CSMD3: variants seen among roughly 807,000 people sequenced by gnomAD.
CSMD3 encodes the protein CUB and sushi domain-containing protein 3.
A neutral mutation model predicts 435.2 loss-of-function variants in CSMD3; 177 were observed. The observed-to-expected ratio is 0.41, with a 90% CI of 0.36 to 0.46. The LOEUF (loss-of-function observed/expected upper bound fraction) is 0.46, where lower values mean the gene tolerates loss of function less well. Among genes scored for constraint, CSMD3 ranks in the 20% least tolerant of loss-of-function variants. The pLI is 0.34. For missense variants in CSMD3, 4,265 were observed against 4,504.6 expected (o/e 0.95, Z 1.52); for synonymous variants, 1,656 against 1,520.5 (o/e 1.09, Z -2.07).
chr8:112,783,735 C>T (rs1229150565), intron 13 of CSMD3, among the ~76,000 whole-genome samples: 1 of 150,778 alleles, frequency 6.6e-6, no homozygotes, highest in Admixed American at 6.6e-5. Flanking sequence ...ACTGAAAATA[C>T]ATGGATGGAA....
At chr8:112,733,968 T>A (rs1015879226) in intron 13 of CSMD3, among the ~76,000 whole-genome samples, 4 of 151,690 alleles carry the variant, frequency 2.6e-5, no homozygotes, top group Non-Finnish European at 5.9e-5. Context: ...GGACATTTAA[T>A]CATTATTATC....
intron 12 of CSMD3, among the ~76,000 whole-genome samples, chr8:112,814,681 C>T (rs534683249): frequency 6.6e-6 from 1 of 151,900 alleles, no homozygotes; most frequent in East Asian, 1.9e-4. Context: ...TACTGGGGGG[C>T]TGAGGCAGGA....
intron 5 of CSMD3, among the ~76,000 whole-genome samples, chr8:113,060,560 C>T (rs947854007): frequency 6.6e-6 from 1 of 152,080 alleles, no homozygotes; most frequent in Non-Finnish European, 1.5e-5. Context: ...ACTATAGACA[C>T]AAATATAGTA....
intron 12 of CSMD3, among the ~76,000 whole-genome samples, chr8:112,828,128 A>G (rs913165112): frequency 1.3e-5 from 2 of 152,228 alleles, no homozygotes; most frequent in Non-Finnish European, 2.9e-5. Flanking sequence ...ATAAAACTAC[A>G]ATAAGATTTA....
At chr8:112,261,424 C>T (rs919885776) in intron 61 of CSMD3, among the ~76,000 whole-genome samples, 1 of 152,002 alleles carries the variant, frequency 6.6e-6, no homozygotes, top group African/African-American at 2.4e-5. Flanking sequence ...CAGAAAGCAT[C>T]CCTTTTCTTA....
intron 3 of CSMD3, among the ~76,000 whole-genome samples, chr8:113,226,509 A>G (rs564617716): frequency 6.6e-6 from 1 of 151,712 alleles, no homozygotes; most frequent in African/African-American, 2.4e-5. Context: ...AGTCATTTCT[A>G]TCATGCATAT....
At chr8:112,540,115 G>A (rs1039480782) in intron 27 of CSMD3, among the ~76,000 whole-genome samples, 2 of 152,002 alleles carry the variant, frequency 1.3e-5, no homozygotes, top group Middle Eastern at 3.4e-3. Flanking sequence ...AATTAATAAT[G>A]AGCAAATGCT....
chr8:112,661,474 C>T (rs917519684), intron 17 of CSMD3, among the ~76,000 whole-genome samples: 4 of 152,076 alleles, frequency 2.6e-5, no homozygotes, highest in Non-Finnish European at 5.9e-5. Flanking sequence ...TGTCAGAGTA[C>T]GGATGCCCTC....
At chr8:112,559,586 G>T (rs1828431810) in intron 24 of CSMD3, among the ~76,000 whole-genome samples, 1 of 151,660 alleles carries the variant, frequency 6.6e-6, no homozygotes, top group Non-Finnish European at 1.5e-5. Flanking sequence ...GAATCTATCT[G>T]CATCCTGAAT....
At chr8:112,579,484 CACAGA>C (rs1830184061) in intron 23 of CSMD3, among the ~76,000 whole-genome samples, 2 of 151,844 alleles carry the variant, frequency 1.3e-5, no homozygotes, top group South Asian at 4.2e-4. Context: ...ACCTCAAAAG[CACAGA>C]TAATAGTAAA....
chr8:113,235,028 G>C (rs1484937187), intron 3 of CSMD3, among the ~76,000 whole-genome samples: 1 of 152,100 alleles, frequency 6.6e-6, no homozygotes, highest in Non-Finnish European at 1.5e-5. Context: ...CAGACGTGTT[G>C]ACAGATGTTT....
intron 40 of CSMD3, among the ~76,000 whole-genome samples, chr8:112,348,452 T>A (rs1266222045): frequency 6.6e-6 from 1 of 152,342 alleles, no homozygotes; most frequent in East Asian, 1.9e-4. Flanking sequence ...TGATGACTAG[T>A]GTTTTAAGAC....
intron 1 of CSMD3, among the ~76,000 whole-genome samples, chr8:113,412,849 T>A (rs2094565477): frequency 6.6e-6 from 1 of 152,068 alleles, no homozygotes; most frequent in African/African-American, 2.4e-5. Context: ...TTAAATATCT[T>A]ATAAAGCCAG....
At chr8:113,422,740 AAG>A (rs1401935976) in intron 1 of CSMD3, among the ~76,000 whole-genome samples, 1 of 152,124 alleles carries the variant, frequency 6.6e-6, no homozygotes, top group Non-Finnish European at 1.5e-5. Context: ...CACAGAGTGT[AAG>A]AGAGAGACGA....
At chr8:112,298,838 A>G (rs1820613279) in intron 53 of CSMD3, among the ~76,000 whole-genome samples, 3 of 152,154 alleles carry the variant, frequency 2.0e-5, no homozygotes, top group Admixed American at 1.3e-4. Flanking sequence ...GGAGACAACT[A>G]GAACTCTCCC....
At chr8:112,516,025 T>G (rs1462348357) in intron 28 of CSMD3, among the ~76,000 whole-genome samples, 1 of 152,110 alleles carries the variant, frequency 6.6e-6, no homozygotes, top group Admixed American at 6.6e-5. Context: ...AAAATAAATC[T>G]GAATAATTGA....
intron 5 of CSMD3, among the ~76,000 whole-genome samples, chr8:113,030,417 T>TAAAAAAAAGAAAAA (rs2087046972): frequency 4.1e-5 from 1 of 24,356 alleles, no homozygotes; most frequent in Admixed American, 5.5e-4. Flanking sequence ...TTGGTACTGG[T>TAAAAAAAAGAAAAA]AAAAAAAAAA....
intron 59 of CSMD3, among the ~76,000 whole-genome samples, chr8:112,274,060 G>C (rs965041873): frequency 1.3e-5 from 2 of 151,994 alleles, no homozygotes; most frequent in South Asian, 4.1e-4. Flanking sequence ...AGGTGGATAA[G>C]AGTTTTAAAG....
At chr8:113,312,678 A>T (rs1289491084) in intron 2 of CSMD3, 1 of 152,190 alleles carries the variant, frequency 6.6e-6, no homozygotes, top group Non-Finnish European at 1.5e-5. Flanking sequence ...GTATTTTTAT[A>T]TATTTAGGAA....
Sources: gnomAD v4.1 joint callset for allele counts (sites outside exome capture counted in the v4.1 genomes callset) on GRCh38, gnomAD v4.1.1 for gene constraint, MANE v1.5 for transcripts, NCBI Gene and HGNC (gene_info 2026-07-23, HGNC 2026-07-21) for gene names.